Variants in SLC30A9 observed in about 807,000 individuals in gnomAD.
The protein encoded by SLC30A9 is solute carrier family 30 member 9.
SLC30A9 carries 58 observed loss-of-function variants against 87.5 expected under a neutral mutation model. That is an observed-to-expected ratio of 0.66 (90% CI 0.54 to 0.82). The LOEUF (loss-of-function observed/expected upper bound fraction) is 0.82, where lower values mean the gene tolerates loss of function less well. Ranked by LOEUF, SLC30A9 falls within the 40% of genes least tolerant of loss-of-function variation. SLC30A9 has a pLI of 0.00. For synonymous variants in SLC30A9, 234 were observed against 233.0 expected (o/e 1.00, Z -0.04); for missense variants, 557 against 679.1 (o/e 0.82, Z 2.00).
intron 17 of SLC30A9, 79 bp downstream of exon 17, chr4:42,078,404 T>C: frequency 1.4e-6 from 1 of 721,956 alleles, no homozygotes; most frequent in East Asian, 2.7e-5. Flanking sequence ...AGACACTAAG[T>C]GCATCCATCA....
At chr4:42,056,412 A>G (rs375292972) in intron 9 of SLC30A9, among the ~76,000 whole-genome samples, 2 of 152,290 alleles carry the variant, frequency 1.3e-5, no homozygotes, top group African/African-American at 4.8e-5. Flanking sequence ...CATGTCTCAC[A>G]TGGCAGCAGA....
At chr4:42,008,944 A>G (rs757932722) in intron 2 of SLC30A9, among the ~76,000 whole-genome samples, 4 of 152,184 alleles carry the variant, frequency 2.6e-5, no homozygotes, top group South Asian at 2.1e-4. Context: ...ATTTTATGCA[A>G]TGAAAGAATG....
intron 1 of SLC30A9, among the ~76,000 whole-genome samples, chr4:41,992,444 A>G (rs940848360): frequency 6.6e-6 from 1 of 152,196 alleles, no homozygotes; most frequent in South Asian, 2.1e-4. Flanking sequence ...TGACCAAGCA[A>G]TTTTGGCATT....
chr4:42,044,574 T>TA (rs1717065495), intron 8 of SLC30A9, among the ~76,000 whole-genome samples: 1 of 152,146 alleles, frequency 6.6e-6, no homozygotes, highest in South Asian at 2.1e-4. Context: ...AGCAAGTTCT[T>TA]AGAGACCTAC....
Position 42,086,206 on chromosome 4 carries a change from A to G in SLC30A9, c.*80A>G. The stretch of plus-strand genomic sequence containing the variant: ...ACTCTACAAAGTTTCCTCCTCTCCT[A>G]CACTGAAAGACTCAGTGCCATGCAG... On this transcript the variant is annotated 3_prime_UTR_variant, in exon 18 of 18. Coordinates refer to ENST00000264451, the MANE Select transcript of SLC30A9 (RefSeq NM_006345.4). 1.1e-5 allele frequency: 9 copies of G among 794,270 alleles called. No homozygotes were observed. The highest frequency in any genetic ancestry group is 2.3e-5 in the South Asian group (1 of 43,136). The allele number at this position is 794,270 out of a possible 1,614,324, so 49.2% of individuals were successfully genotyped here.
chr4:42,023,454 ACT>A, intron 6 of SLC30A9, 70 bp downstream of exon 6: 2 of 985,818 alleles, frequency 2.0e-6, no homozygotes, highest in Non-Finnish European at 3.2e-6. Context: ...ATCTGTAAGA[ACT>A]CTCTAGTGCT....
At chr4:42,056,762 C>T (rs538177792) in intron 9 of SLC30A9, among the ~76,000 whole-genome samples, 26 of 152,290 alleles carry the variant, frequency 1.7e-4, no homozygotes, top group African/African-American at 5.5e-4. Context: ...TCCCTTCTGC[C>T]TATGAACCTG....
chr4:42,022,976 G>A (rs368046315), intron 5 of SLC30A9, 46 bp downstream of exon 5: 39 of 1,118,000 alleles, frequency 3.5e-5, no homozygotes, highest in Non-Finnish European at 4.3e-5. Flanking sequence ...CCAAATTTTG[G>A]ATTAATAAAA....
At chr4:41,999,047 C>A (rs1170574397) in intron 1 of SLC30A9, among the ~76,000 whole-genome samples, 1 of 152,080 alleles carries the variant, frequency 6.6e-6, no homozygotes, top group Non-Finnish European at 1.5e-5. Context: ...ACTTAGGAGT[C>A]AATTTTAAGA....
At chr4:42,013,714 C>G (rs554658273) in intron 2 of SLC30A9, among the ~76,000 whole-genome samples, 1 of 152,028 alleles carries the variant, frequency 6.6e-6, no homozygotes, top group Non-Finnish European at 1.5e-5. Context: ...GAAACTAGAC[C>G]CCTTCTCTCG....
rs2071236573 is a variant in SLC30A9 at position 42,087,871 on chromosome 4, CCA to C, written c.*1746_*1747del. The C allele has an allele frequency of 6.6e-6, 1 of 151,718 alleles. No individual in the cohort carries two copies. The highest frequency in any genetic ancestry group is 6.6e-5 in the Admixed American group (1 of 15,236). 9.4% of individuals were successfully genotyped at this position (151,718 alleles called of 1,614,324 possible). On this transcript the variant is annotated 3_prime_UTR_variant, in exon 18 of 18. Coordinates refer to ENST00000264451, the MANE Select transcript of SLC30A9 (RefSeq NM_006345.4). ...CATATGAGAAAGTACCAAATTATAT[CCA>C]GTTTCCTCCTAGTGATATTACTCTG...
chr4:42,080,879 T>C (rs1718720736), intron 17 of SLC30A9, among the ~76,000 whole-genome samples: 1 of 152,244 alleles, frequency 6.6e-6, no homozygotes, highest in Admixed American at 6.5e-5. Flanking sequence ...GAATTAGTAT[T>C]TTGGAAAATA....
At chr4:42,040,328 T>C (rs1051583908) in intron 8 of SLC30A9, among the ~76,000 whole-genome samples, 1 of 152,220 alleles carries the variant, frequency 6.6e-6, no homozygotes, top group African/African-American at 2.4e-5. Flanking sequence ...GTGCTTAACA[T>C]AGTACCTGCT....
intron 16 of SLC30A9, among the ~76,000 whole-genome samples, chr4:42,076,738 C>T (rs531136786): frequency 4.0e-5 from 6 of 151,840 alleles, no homozygotes; most frequent in East Asian, 1.9e-4. Flanking sequence ...CCGAGGTGGG[C>T]GGATCACGAG....
intron 6 of SLC30A9, among the ~76,000 whole-genome samples, chr4:42,026,713 C>CTTTTTTTTTT (rs1168719605): frequency 1.3e-5 from 1 of 74,488 alleles, no homozygotes; most frequent in Admixed American, 1.8e-4. Flanking sequence ...AAGTTTGTTC[C>CTTTTTTTTTT]TTTTTTTTTT....
intron 9 of SLC30A9, among the ~76,000 whole-genome samples, chr4:42,052,855 C>A (rs939784534): frequency 6.6e-6 from 1 of 152,178 alleles, no homozygotes; most frequent in African/African-American, 2.4e-5. Context: ...GAAACAATAT[C>A]ATAAAATAAG....
chr4:41,990,849 A>G (rs1714402792), intron 1 of SLC30A9, 89 bp downstream of exon 1: 1 of 941,206 alleles, frequency 1.1e-6, no homozygotes. Flanking sequence ...CAATTCGCCC[A>G]CTTGCCTTTC....
rs1051358536 is a variant in SLC30A9, at chr4:42,088,220, G to A, written c.*2094G>A. On this transcript the variant is annotated 3_prime_UTR_variant, in exon 18 of 18. Transcript: ENST00000264451. The stretch of plus-strand genomic sequence containing the variant: ...AATTTGAGTATTTATGTGGAATCAG[G>A]AAATTTTTCTAGAGTCACTGAATTT... 3.3e-5 allele frequency: 5 copies of A among 152,144 alleles called. No individual in the cohort carries two copies. The highest frequency in any genetic ancestry group is 1.2e-4 in the African/African-American group (5 of 41,412). 9.4% of individuals were successfully genotyped at this position (152,144 alleles called of 1,614,324 possible).
chr4:41,999,317 C>T (rs978427205), intron 1 of SLC30A9, among the ~76,000 whole-genome samples: 1 of 152,228 alleles, frequency 6.6e-6, no homozygotes, highest in Non-Finnish European at 1.5e-5. Flanking sequence ...GATATTTTCT[C>T]TTTGTAGAAA....
Sources: gnomAD v4.1 joint callset for allele counts (sites outside exome capture counted in the v4.1 genomes callset) on GRCh38, gnomAD v4.1.1 for gene constraint, MANE v1.5 for transcripts, NCBI Gene and HGNC (gene_info 2026-07-23, HGNC 2026-07-21) for gene names.